Variants in SEL1L2 observed in about 807,000 individuals in gnomAD.
SEL1L2 encodes the protein protein sel-1 homolog 2.
Under a neutral mutation model 98.8 loss-of-function variants are expected in SEL1L2, and 89 were observed. The ratio of observed to expected loss-of-function variants is 0.90; its 90% CI spans 0.76 to 1.07. The LOEUF (loss-of-function observed/expected upper bound fraction) is 1.07, where lower values mean the gene tolerates loss of function less well. Ranked by LOEUF, SEL1L2 falls within the 50% of genes least tolerant of loss-of-function variation. The probability of loss-of-function intolerance (pLI) is 0.00; values close to 1 mark genes in which losing one functional copy is unlikely to be tolerated. For missense variants in SEL1L2, 788 were observed against 812.0 expected (o/e 0.97, Z 0.36); for synonymous variants, 262 against 278.5 (o/e 0.94, Z 0.59).
chr20:13,919,029 T>C lies in SEL1L2; in HGVS notation c.378A>G (p.Gln126=). 2 of 1,609,646 alleles carry C rather than the reference T, an allele frequency of 1.2e-6. No individual in the cohort carries two copies. The highest frequency in any genetic ancestry group is 1.7e-6 in the Non-Finnish European group (2 of 1,177,164). Residue 126 remains glutamine, a synonymous_variant, in exon 4 of 20, where the codon CAA becomes CAG. Coordinates refer to ENST00000284951, the MANE Select transcript of SEL1L2 (RefSeq NM_025229.2). ...KVLQQSKSQK[Q]KEEAYLLFAK... Reference sequence around the variant, plus strand: ...ACTGGATAAAGACTTACTCTTCTTTTTGTTTTTGGCTTTTAGACTGCTGGA... The same window carrying C: ...ACTGGATAAAGACTTACTCTTCTTTCTGTTTTTGGCTTTTAGACTGCTGGA...
At chr20:13,932,747 A>G (rs948179198) in intron 2 of SEL1L2, among the ~76,000 whole-genome samples, 1 of 151,994 alleles carries the variant, frequency 6.6e-6, no homozygotes, top group Non-Finnish European at 1.5e-5. Flanking sequence ...GTGAATTACT[A>G]CTTCTAAGAA....
rs1384633296 is a variant in SEL1L2 at position 13,866,755 on chromosome 20, T to C, written c.1351A>G (p.Lys451Glu). ...ACTCCTGTTCCTGTTGCATACATCT[T>C]GGCCAGATAATAAATGGCAAGGGGC... Reference protein sequence around the residue: ...GQPLAIYYLAKMYATGTGVVR... With the variant: ...GQPLAIYYLAEMYATGTGVVR... Residue 451 changes from lysine (K) to glutamate (E), a missense_variant, in exon 15 of 20, where the codon AAG becomes GAG. By Grantham distance (56) the Lys-to-Glu change is moderately conservative (BLOSUM62 1). Coordinates refer to ENST00000284951, the MANE Select transcript of SEL1L2 (RefSeq NM_025229.2). 7 of 1,612,526 alleles carry C rather than the reference T, an allele frequency of 4.3e-6. No homozygotes were observed. The highest frequency in any genetic ancestry group is 5.9e-6 in the Non-Finnish European group (7 of 1,179,388).
chr20:13,939,053 T>TTTTTTTTTTTTTTTTTTTTTTTTTTTTG (rs2049615911), intron 2 of SEL1L2, among the ~76,000 whole-genome samples: 1 of 139,616 alleles, frequency 7.2e-6, no homozygotes, highest in African/African-American at 2.7e-5. Flanking sequence ...TTTTTTTTTT[T>TTTTTTTTTTTTTTTTTTTTTTTTTTTTG]TTTTTTCTGA....
intron 1 of SEL1L2, among the ~76,000 whole-genome samples, chr20:13,969,235 G>A (rs904528895): frequency 2.0e-5 from 3 of 152,124 alleles, no homozygotes; most frequent in Admixed American, 1.3e-4. Flanking sequence ...AAGTCCCAAT[G>A]TCCCCACAAA....
At chr20:13,952,944 G>A (rs990834836) in intron 2 of SEL1L2, among the ~76,000 whole-genome samples, 3 of 152,168 alleles carry the variant, frequency 2.0e-5, no homozygotes, top group South Asian at 4.1e-4. Context: ...CGGGAGAATC[G>A]CTTAAACCTG....
At chr20:13,864,277 T>C (rs1415547984) in intron 17 of SEL1L2, among the ~76,000 whole-genome samples, 1 of 152,228 alleles carries the variant, frequency 6.6e-6, no homozygotes, top group African/African-American at 2.4e-5. Flanking sequence ...AAAGCACCAC[T>C]GTGACTTTTT....
intron 2 of SEL1L2, among the ~76,000 whole-genome samples, chr20:13,932,280 A>G (rs2049178293): frequency 6.6e-6 from 1 of 152,086 alleles, no homozygotes; most frequent in South Asian, 2.1e-4. Flanking sequence ...TTAGCAGGTT[A>G]TTTCTGAGTA....
Position 13,886,344 on chromosome 20 carries a change from A to G in SEL1L2, c.844T>C (p.Trp282Arg), listed in dbSNP as rs2046955556. 11 of 1,613,376 alleles carry G rather than the reference A, an allele frequency of 6.8e-6. No individual in the cohort carries two copies. The East Asian group carries it at 2.5e-4, about 36-fold the overall frequency. Residue 282 changes from tryptophan (W) to arginine (R), a missense_variant, in exon 9 of 20, where the codon TGG (tryptophan) becomes CGG (arginine). Trp to Arg is a moderately radical substitution (Grantham distance 101). Transcript: ENST00000284951. ...NLSSNSEILD[W>R]DIYQYYKFLA... ...AATTTATAGTATTGGTATATGTCCC[A>G]ATCCAAAATCTCACTGTTAGAACTC...
At chr20:13,975,839 G>T (rs1481313400) in intron 1 of SEL1L2, among the ~76,000 whole-genome samples, 2 of 152,084 alleles carry the variant, frequency 1.3e-5, no homozygotes, top group African/African-American at 4.8e-5. Context: ...AAGGGGTTGG[G>T]AAACTTTTGT....
chr20:13,856,901 A>G (rs1181500055), intron 18 of SEL1L2, among the ~76,000 whole-genome samples: 2 of 152,190 alleles, frequency 1.3e-5, no homozygotes, highest in African/African-American at 4.8e-5. Flanking sequence ...AAAGTGCCTC[A>G]TTGAAGAAAT....
rs569853279 is a variant in SEL1L2, at chr20:13,877,305, A to G, written c.1026+215T>C. 9.9e-5 allele frequency among the ~76,000 whole-genome samples: 15 copies of G among 152,236 alleles called. No homozygotes were observed. The South Asian group carries it at 1.0e-3, about 11-fold the overall frequency. ...TCTACAATGGGTTCAATGAGCTGGT[A>G]TCATTAATTTGTTAGATTTTTAATT... On this transcript the variant is annotated intron_variant, in intron 11 of 19. Coordinates refer to ENST00000284951, the MANE Select transcript of SEL1L2 (RefSeq NM_025229.2).
intron 5 of SEL1L2, among the ~76,000 whole-genome samples, chr20:13,890,112 T>C (rs2047141428): frequency 6.6e-6 from 1 of 152,138 alleles, no homozygotes; most frequent in Non-Finnish European, 1.5e-5. Context: ...TCACCCATGA[T>C]CCCTCCTCCC....
intron 1 of SEL1L2, among the ~76,000 whole-genome samples, chr20:13,971,489 A>G (rs760330524): frequency 3.9e-5 from 6 of 152,138 alleles, no homozygotes; most frequent in Admixed American, 1.3e-4. Context: ...GCAGTGGCAC[A>G]GTCTCAGCTC....
intron 15 of SEL1L2, among the ~76,000 whole-genome samples, chr20:13,866,290 A>T (rs902140213): frequency 6.6e-6 from 1 of 152,204 alleles, no homozygotes; most frequent in South Asian, 2.1e-4. Context: ...CATCCAAATC[A>T]TCAAAAACCT....
chr20:13,959,017 G>C (rs935671927), intron 1 of SEL1L2, among the ~76,000 whole-genome samples: 3 of 151,988 alleles, frequency 2.0e-5, no homozygotes, highest in Non-Finnish European at 4.4e-5. Flanking sequence ...GACCAGTTGA[G>C]AGCAGTCATT....
chr20:13,876,112 A>G lies in SEL1L2; in HGVS notation c.1030T>C (p.Tyr344His). Residue 344 changes from tyrosine to histidine, a missense_variant, in exon 12 of 20, where the codon TAT (tyrosine) becomes CAT (histidine). Coordinates refer to ENST00000284951, the MANE Select transcript of SEL1L2 (RefSeq NM_025229.2). ...ANAMAFIGKM[Y>H]LEGNAAVPQN... ...GGCACGGCAGCATTCCCCTCTAAATACATCTAGGAAGAAAAATGAAAAGAG... is the reference window on the plus strand; with the variant it reads ...GGCACGGCAGCATTCCCCTCTAAATGCATCTAGGAAGAAAAATGAAAAGAG... The G allele has an allele frequency of 1.2e-6, 2 of 1,610,174 alleles. No homozygotes were observed. The highest frequency in any genetic ancestry group is 1.7e-6 in the Non-Finnish European group (2 of 1,176,620).
At chr20:13,956,596 A>G (rs1184760595) in intron 1 of SEL1L2, among the ~76,000 whole-genome samples, 2 of 152,182 alleles carry the variant, frequency 1.3e-5, no homozygotes, top group East Asian at 3.8e-4. Context: ...TGATACAAAC[A>G]TCTGAGAAAT....
At chr20:13,913,657 G>A (rs1373652992) in intron 5 of SEL1L2, 125 bp downstream of exon 5, 2 of 860,638 alleles carry the variant, frequency 2.3e-6, no homozygotes, top group African/African-American at 3.6e-5. Flanking sequence ...AGTGCATTAT[G>A]GTAACCTCCC....
chr20:13,919,995 G>A (rs185351570), intron 3 of SEL1L2, among the ~76,000 whole-genome samples: 156 of 151,348 alleles, frequency 1.0e-3, no homozygotes, highest in African/African-American at 3.5e-3. Context: ...TTGGAAGGCC[G>A]AGGCAGGCGG....
Sources: gnomAD v4.1 joint callset for allele counts (sites outside exome capture counted in the v4.1 genomes callset) on GRCh38, gnomAD v4.1.1 for gene constraint, MANE v1.5 for transcripts, NCBI Gene and HGNC (gene_info 2026-07-23, HGNC 2026-07-21) for gene names.